The following FGD4 variants were observed in gnomAD, a reference collection of about 807,000 sequenced individuals.
FGD4 encodes FYVE, RhoGEF and PH domain-containing protein 4.
Under a neutral mutation model 102.0 loss-of-function variants are expected in FGD4, and 42 were observed. The observed-to-expected ratio is 0.41, with a 90% CI of 0.32 to 0.53. The LOEUF is 0.53. FGD4 is among the 20% of genes least tolerant of loss of function. The probability of loss-of-function intolerance (pLI) is 0.21; values close to 1 mark genes in which losing one functional copy is unlikely to be tolerated. For missense variants in FGD4, 902 were observed against 1,078.2 expected (o/e 0.84, Z 2.29); for synonymous variants, 380 against 375.7 (o/e 1.01, Z -0.13).
chr12:32,523,850 C>T (rs1489902019), intron 1 of FGD4, among the ~76,000 whole-genome samples: 1 of 151,812 alleles, frequency 6.6e-6, no homozygotes, highest in African/African-American at 2.4e-5. Context: ...TTGTGGCAGG[C>T]ACCTGTAGTC....
intron 4 of FGD4, among the ~76,000 whole-genome samples, chr12:32,597,493 G>C (rs1948005224): frequency 2.0e-5 from 3 of 152,312 alleles, no homozygotes; most frequent in Non-Finnish European, 4.4e-5. Context: ...ATTTGGTCTT[G>C]TGTTGTCAGC....
chr12:32,468,013 C>T (rs1430375460), intron 1 of FGD4, among the ~76,000 whole-genome samples: 5 of 151,926 alleles, frequency 3.3e-5, no homozygotes, highest in Admixed American at 3.3e-4. Flanking sequence ...GAGACTCCAT[C>T]TCAAAAAAAA....
At chr12:32,415,981 T>C (rs769836854) in intron 1 of FGD4, among the ~76,000 whole-genome samples, 4 of 152,156 alleles carry the variant, frequency 2.6e-5, no homozygotes, top group Non-Finnish European at 5.9e-5. Flanking sequence ...CAACAGCTCA[T>C]TGGGCCTTGC....
Position 32,599,561 on chromosome 12 carries a change from TTTTG to T in FGD4, c.1101+976_1101+979del, listed in dbSNP as rs1204686773. Among the ~76,000 whole-genome samples the T allele has an allele frequency of 4.0e-3, 309 of 76,968 alleles. 8 individuals carry two copies. The highest frequency in any genetic ancestry group is 0.012 in the African/African-American group (157 of 12,648). 50.5% of individuals were successfully genotyped at this position (76,968 alleles called of 152,430 possible). On this transcript the variant is annotated intron_variant, in intron 5 of 16. Transcript: ENST00000534526. ...TTTTTTTTTTTTTTTTTTTTTTTTT[TTTTG>T]GAGATGGAGTCTGGCCCTGTCGCCC...
At chr12:32,473,868 A>G (rs1461483487) in intron 1 of FGD4, among the ~76,000 whole-genome samples, 1 of 151,974 alleles carries the variant, frequency 6.6e-6, no homozygotes, top group Non-Finnish European at 1.5e-5. Context: ...CGGGCAGATA[A>G]CGAGGTCAGG....
At chr12:32,438,594 T>TTTTG (rs58806276) in intron 1 of FGD4, among the ~76,000 whole-genome samples, 1 of 58,068 alleles carries the variant, frequency 1.7e-5, no homozygotes, top group Non-Finnish European at 3.3e-5. Flanking sequence ...AAAACATGTT[T>TTTTG]TTTGTTTGTT....
chr12:32,432,051 ATTTTTTTTTTT>A (rs60933809), intron 1 of FGD4, among the ~76,000 whole-genome samples: 44,204 of 107,990 alleles, frequency 0.41, 8,263 homozygotes, highest in African/African-American at 0.56. Flanking sequence ...TAATCCTAGC[ATTTTTTTTTTT>A]TTTTTTTTTT....
intron 1 of FGD4, among the ~76,000 whole-genome samples, chr12:32,466,282 T>A (rs559415978): frequency 1.6e-4 from 25 of 152,286 alleles, no homozygotes; most frequent in Admixed American, 1.6e-3. Flanking sequence ...TGCCTGTACA[T>A]ATACATATAA....
At chr12:32,466,447 G>A (rs1398196091) in intron 1 of FGD4, among the ~76,000 whole-genome samples, 2 of 152,070 alleles carry the variant, frequency 1.3e-5, no homozygotes, top group Non-Finnish European at 2.9e-5. Flanking sequence ...TTGGGAGGCT[G>A]GTCTCTGTTC....
intron 4 of FGD4, among the ~76,000 whole-genome samples, chr12:32,588,138 A>C (rs956194213): frequency 6.6e-6 from 1 of 152,226 alleles, no homozygotes; most frequent in Non-Finnish European, 1.5e-5. Context: ...TAAGGAAAAA[A>C]GCATGGTCAG....
At chr12:32,486,176 A>G (rs1368527517) in intron 1 of FGD4, 3 of 1,522,998 alleles carry the variant, frequency 2.0e-6, no homozygotes, top group South Asian at 1.2e-5. Flanking sequence ...CATTTCTGAA[A>G]TATCTCAGGT....
chr12:32,533,451 A>C (rs1941977809), intron 1 of FGD4, among the ~76,000 whole-genome samples: 1 of 152,098 alleles, frequency 6.6e-6, no homozygotes. Context: ...TTTGAGATGG[A>C]GTCTCACTCT....
At chr12:32,458,905 G>A (rs1449425813) in intron 1 of FGD4, among the ~76,000 whole-genome samples, 1 of 152,142 alleles carries the variant, frequency 6.6e-6, no homozygotes, top group Non-Finnish European at 1.5e-5. Context: ...GAGGAAACAG[G>A]CTCATAGAGT....
intron 1 of FGD4, among the ~76,000 whole-genome samples, chr12:32,556,161 G>A (rs1160653962): frequency 6.6e-6 from 1 of 152,026 alleles, no homozygotes; most frequent in Non-Finnish European, 1.5e-5. Context: ...ATTTTAAAGA[G>A]CCTTTAATAT....
intron 1 of FGD4, among the ~76,000 whole-genome samples, chr12:32,400,584 A>G (rs144190538): frequency 6.6e-6 from 1 of 152,186 alleles, no homozygotes; most frequent in East Asian, 1.9e-4. Context: ...GAAGTCCTCA[A>G]GGTGATCTAT....
intron 1 of FGD4, among the ~76,000 whole-genome samples, chr12:32,456,263 CT>C (rs1942946968): frequency 6.6e-6 from 1 of 152,070 alleles, no homozygotes. Context: ...TATACTTTTG[CT>C]ATGTGATTAG....
At chr12:32,606,011 CAACT>C (rs925244628) in intron 7 of FGD4, among the ~76,000 whole-genome samples, 62 of 152,152 alleles carry the variant, frequency 4.1e-4, no homozygotes, top group African/African-American at 1.4e-3. Flanking sequence ...GATTGGGAAT[CAACT>C]AACCTAGTTT....
rs144163771 is a variant in FGD4 at position 32,536,553 on chromosome 12, C to A, written c.167-27584C>A. On this transcript the variant is annotated intron_variant, in intron 1 of 16. Transcript: ENST00000534526. Reference sequence around the variant, plus strand: ...GCTAAAGTACATTTGTAAATGTCTTCACCCTGGTTTGTGTGTGTTCTCTGA... The same window carrying A: ...GCTAAAGTACATTTGTAAATGTCTTAACCCTGGTTTGTGTGTGTTCTCTGA... 6.9e-3 allele frequency among the ~76,000 whole-genome samples: 1,051 copies of A among 152,298 alleles called. 10 individuals carry two copies. Among genetic ancestry groups the A allele is most frequent in the African/African-American group, 0.024 (981 of 41,556 alleles).
chr12:32,517,415 T>C (rs1168017756), intron 1 of FGD4, among the ~76,000 whole-genome samples: 1 of 152,134 alleles, frequency 6.6e-6, no homozygotes. Context: ...TAAAAAAAAA[T>C]TGTGTCTTTA....
Sources: allele counts gnomAD v4.1 joint callset (sites outside exome capture counted in the v4.1 genomes callset), GRCh38; gene constraint gnomAD v4.1.1; transcripts MANE v1.5; gene names NCBI Gene and HGNC (gene_info 2026-07-23, HGNC 2026-07-21).